The following SYT17 variants were observed in gnomAD, a reference collection of about 807,000 sequenced individuals.
The protein encoded by SYT17 is synaptotagmin 17.
A neutral mutation model predicts 46.7 loss-of-function variants in SYT17; 22 were observed. The ratio of observed to expected loss-of-function variants is 0.47; its 90% CI spans 0.34 to 0.67. The LOEUF (loss-of-function observed/expected upper bound fraction) is 0.67. Ranked by LOEUF, SYT17 falls within the 30% of genes least tolerant of loss-of-function variation. The pLI is 0.01. For synonymous variants in SYT17, 251 were observed against 248.4 expected (o/e 1.01, Z -0.10); for missense variants, 519 against 612.8 (o/e 0.85, Z 1.62).
In SYT17 at chr16:19,267,271, G is replaced by A. The variant is rs575133976; in HGVS notation, c.*195G>A. 51 of 460,928 alleles carry A rather than the reference G, an allele frequency of 1.1e-4. No homozygotes were observed. The highest frequency in any genetic ancestry group is 5.0e-4 in the African/African-American group (12 of 23,766). The allele number at this position is 460,928 out of a possible 1,614,324, so 28.6% of individuals were successfully genotyped here. On this transcript the variant is annotated 3_prime_UTR_variant, in exon 8 of 8. Transcript: ENST00000355377. ...GCTGACTATTGATCACAAAATGGCC[G>A]CCCTCAGTTGAGTGAGGCCTAGGAA...
intron 5 of SYT17, among the ~76,000 whole-genome samples, chr16:19,189,411 G>A (rs1170609570): frequency 5.3e-5 from 8 of 150,764 alleles, no homozygotes; most frequent in Non-Finnish European, 1.0e-4. Context: ...TGTAATCATG[G>A]CTCAATGCAG....
At chr16:19,190,950 T>C (rs1964993571) in intron 5 of SYT17, among the ~76,000 whole-genome samples, 1 of 152,166 alleles carries the variant, frequency 6.6e-6, no homozygotes, top group South Asian at 2.1e-4. Flanking sequence ...ACCAACTGTG[T>C]GTGTGTTTTT....
rs1016508704 is a variant in SYT17, at chr16:19,267,241, A to C, written c.*165A>C. On this transcript the variant is annotated 3_prime_UTR_variant, in exon 8 of 8. Coordinates refer to ENST00000355377, the MANE Select transcript of SYT17 (RefSeq NM_016524.4). ...TACCCCAAATCCTCTCAGAACTGAG[A>C]GGAAGCTGACTATTGATCACAAAAT... 2 of 634,376 alleles carry C rather than the reference A, an allele frequency of 3.2e-6. No individual in the cohort carries two copies. The highest frequency in any genetic ancestry group is 5.1e-6 in the Non-Finnish European group (2 of 394,930). 39.3% of individuals were successfully genotyped at this position (634,376 alleles called of 1,614,324 possible).
At chr16:19,255,034 G>A (rs762928911) in intron 7 of SYT17, among the ~76,000 whole-genome samples, 15 of 152,154 alleles carry the variant, frequency 9.9e-5, no homozygotes, top group Non-Finnish European at 2.1e-4. Context: ...GCATTTCTCC[G>A]TGGTTTCTCC....
At chr16:19,174,249 G>C (rs928579485) in intron 3 of SYT17, among the ~76,000 whole-genome samples, 1 of 152,174 alleles carries the variant, frequency 6.6e-6, no homozygotes, top group African/African-American at 2.4e-5. Context: ...AGATATTTTG[G>C]GAACGCAGTT....
chr16:19,232,946 T>C (rs1013004600), intron 7 of SYT17, among the ~76,000 whole-genome samples: 2 of 152,144 alleles, frequency 1.3e-5, no homozygotes, highest in Non-Finnish European at 2.9e-5. Flanking sequence ...TCAGGGACTT[T>C]AAAAAAACTC....
intron 7 of SYT17, among the ~76,000 whole-genome samples, chr16:19,257,981 T>C (rs1451918248): frequency 6.6e-6 from 1 of 151,796 alleles, no homozygotes; most frequent in African/African-American, 2.4e-5. Context: ...TAATTTGCAG[T>C]GTTTATTACA....
At chr16:19,170,734 G>A (rs980757190) in intron 1 of SYT17, 2 of 152,110 alleles carry the variant, frequency 1.3e-5, no homozygotes, top group Admixed American at 6.5e-5. Flanking sequence ...CCTGTATTCA[G>A]AAAATGGTCA....
At chr16:19,227,324 CT>C (rs33936912) in intron 7 of SYT17, among the ~76,000 whole-genome samples, 27 of 142,992 alleles carry the variant, frequency 1.9e-4, no homozygotes, top group Non-Finnish European at 2.1e-4. Flanking sequence ...CTTCTCCCCG[CT>C]TTTTTTTTTT....
At chr16:19,225,498 A>T (rs562131542) in intron 7 of SYT17, among the ~76,000 whole-genome samples, 1 of 152,338 alleles carries the variant, frequency 6.6e-6, no homozygotes, top group Admixed American at 6.5e-5. Context: ...TTGAAACAAC[A>T]AACATTTATA....
chr16:19,268,142 T>G lies in SYT17; in HGVS notation c.*1066T>G, dbSNP rs11343. On this transcript the variant is annotated 3_prime_UTR_variant, in exon 8 of 8. Transcript: ENST00000355377. ...ATACTCTGAGGATCTTTCTGTGTTT[T>G]TCTGTGAACGAATGTCACGTCTCTC... is the stretch of plus-strand genomic sequence containing the variant. 0.67 allele frequency: 101,912 copies of G among 151,912 alleles called. 35,680 individuals are homozygous for G. The highest frequency in any genetic ancestry group is 0.99 in the East Asian group (5,108 of 5,162). The allele number at this position is 151,912 out of a possible 1,614,324, so 9.4% of individuals were successfully genotyped here. A position where few individuals can be genotyped will look rare whatever the true frequency, so the allele number is the denominator to read the frequency against.
At chr16:19,251,486 A>C (rs771351782) in intron 7 of SYT17, among the ~76,000 whole-genome samples, 1 of 152,208 alleles carries the variant, frequency 6.6e-6, no homozygotes, top group African/African-American at 2.4e-5. Context: ...GAGATGCTGC[A>C]GGTCTGTGGT....
At chr16:19,232,790 G>A (rs1313225870) in intron 7 of SYT17, among the ~76,000 whole-genome samples, 1 of 151,950 alleles carries the variant, frequency 6.6e-6, no homozygotes, top group Non-Finnish European at 1.5e-5. Context: ...CGAGATCACG[G>A]CACTGCACTC....
At chr16:19,260,608 T>C (rs1303052100) in intron 7 of SYT17, among the ~76,000 whole-genome samples, 3 of 151,760 alleles carry the variant, frequency 2.0e-5, no homozygotes, top group Non-Finnish European at 2.9e-5. Flanking sequence ...GACTTCCCCT[T>C]CCCACCACAG....
rs1964619364 is a variant in SYT17 at position 19,183,016 on chromosome 16, C to A, written c.332-512C>A. On this transcript the variant is annotated intron_variant, in intron 4 of 7. Transcript: ENST00000355377. The surrounding 1 kb of genome is among the most constrained non-coding windows in gnomAD (Gnocchi z 5.6). ...TCACATGGCTCACTGGTAATGAGTA[C>A]ACGAGTAGTGAGTAAGTGGCTGAGA... Among the ~76,000 whole-genome samples the A allele has an allele frequency of 6.6e-6, 1 of 152,144 alleles. No homozygotes were observed. The highest frequency in any genetic ancestry group is 1.5e-5 in the Non-Finnish European group (1 of 68,032).
intron 5 of SYT17, among the ~76,000 whole-genome samples, chr16:19,216,198 G>A (rs1966089189): frequency 6.6e-6 from 1 of 152,008 alleles, no homozygotes; most frequent in Non-Finnish European, 1.5e-5. Flanking sequence ...TGTTCCATCT[G>A]TATGGGGCAC....
At position 19,180,441 on chromosome 16, in the gene SYT17, G is replaced by C; in HGVS notation, c.233G>C (p.Ser78Thr). The C allele has an allele frequency of 6.2e-7, 1 of 1,614,212 alleles. No homozygotes were observed. Among genetic ancestry groups the C allele is most frequent in the Non-Finnish European group, 8.5e-7 (1 of 1,180,038 alleles). The part of the protein sequence containing the change: ...DKDGDSVHTA[S>T]EVPLTPRTNS... Reference sequence around the variant, plus strand: ...GATGGTGACTCTGTCCACACGGCCAGCGAAGTCCCGCTGACCCCACGGACC... The same window carrying C: ...GATGGTGACTCTGTCCACACGGCCACCGAAGTCCCGCTGACCCCACGGACC... Residue 78 changes from serine to threonine, a missense_variant, in exon 4 of 8, where the codon AGC becomes ACC. Ser to Thr is a moderately conservative substitution (Grantham distance 58, BLOSUM62 1). Coordinates refer to ENST00000355377, the MANE Select transcript of SYT17 (RefSeq NM_016524.4).
At chr16:19,185,187 C>G (rs1964735182) in intron 5 of SYT17, among the ~76,000 whole-genome samples, 1 of 152,074 alleles carries the variant, frequency 6.6e-6, no homozygotes, top group Non-Finnish European at 1.5e-5. Flanking sequence ...CCCTCCTCCC[C>G]TCTTCCCTTC....
chr16:19,173,177 T>C (rs1596882517), intron 2 of SYT17: 6 of 552,428 alleles, frequency 1.1e-5, no homozygotes, highest in East Asian at 3.0e-5. Context: ...AGAAAATACC[T>C]GCAAATGTTT....
Sources: gnomAD v4.1 joint callset for allele counts (sites outside exome capture counted in the v4.1 genomes callset) on GRCh38, gnomAD v4.1.1 for gene constraint, Gnocchi (gnomAD v3.1) non-coding constraint, MANE v1.5 for transcripts, NCBI Gene and HGNC (gene_info 2026-07-23, HGNC 2026-07-21) for gene names.